Variants in DOK6 observed in about 807,000 individuals in gnomAD.
DOK6 encodes downstream of tyrosine kinase 6.
Under a neutral mutation model 44.0 loss-of-function variants are expected in DOK6, and 22 were observed. The ratio of observed to expected loss-of-function variants is 0.50; its 90% CI spans 0.36 to 0.71. The LOEUF is 0.71. DOK6 is among the 30% of genes least tolerant of loss of function. DOK6 has a pLI of 0.00. For synonymous variants in DOK6, 166 were observed against 145.5 expected (o/e 1.14, Z -1.01); for missense variants, 340 against 416.4 (o/e 0.82, Z 1.60).
chr18:69,446,783 T>A (rs1439409918), intron 1 of DOK6, among the ~76,000 whole-genome samples: 1 of 152,232 alleles, frequency 6.6e-6, no homozygotes, highest in Admixed American at 6.5e-5. Flanking sequence ...ATTGTGGTTT[T>A]GATTTGCATT....
At position 69,420,645 on chromosome 18, in the gene DOK6, C is replaced by T. The variant is rs117708094; in HGVS notation, c.66+19335C>T. Among the ~76,000 whole-genome samples, 11 of 152,162 alleles carry T rather than the reference C, an allele frequency of 7.2e-5. No homozygotes were observed. In the East Asian group the frequency reaches 1.9e-3, roughly 27 times the overall value. The stretch of plus-strand genomic sequence containing the variant: ...TCCTAATGCTATCCCTCATTTTATA[C>T]AGGAAGCCCATGAAGTTAAGGAAGC... On this transcript the variant is annotated intron_variant, in intron 1 of 7. Coordinates refer to ENST00000382713, the MANE Select transcript of DOK6 (RefSeq NM_152721.6).
chr18:69,677,137 C>A (rs906252883), intron 3 of DOK6, among the ~76,000 whole-genome samples: 1 of 152,072 alleles, frequency 6.6e-6, no homozygotes, highest in African/African-American at 2.4e-5. Context: ...TGATCCATTA[C>A]AATTCAGAAT....
chr18:69,696,627 A>T lies in DOK6; in HGVS notation c.410-1777A>T, dbSNP rs12957803. ...ATTAATTCCAAATATAGGAGCTGAAATTTATCAAAAGCTTCTTGGCCAAAG... is the reference window on the plus strand; with the variant it reads ...ATTAATTCCAAATATAGGAGCTGAATTTTATCAAAAGCTTCTTGGCCAAAG... On this transcript the variant is annotated intron_variant, in intron 4 of 7. Coordinates refer to ENST00000382713, the MANE Select transcript of DOK6 (RefSeq NM_152721.6). Among the ~76,000 whole-genome samples the T allele has an allele frequency of 1.7e-3, 258 of 152,104 alleles. 3 individuals are homozygous for T. The highest frequency in any genetic ancestry group is 6.0e-3 in the African/African-American group (247 of 41,458).
intron 1 of DOK6, among the ~76,000 whole-genome samples, chr18:69,516,739 G>A (rs1981534897): frequency 6.6e-6 from 1 of 151,390 alleles, no homozygotes; most frequent in Non-Finnish European, 1.5e-5. Flanking sequence ...GCAGTGGCAC[G>A]ATCTTGGCTC....
intron 3 of DOK6, among the ~76,000 whole-genome samples, chr18:69,631,790 A>T (rs551616618): frequency 3.9e-5 from 6 of 152,320 alleles, no homozygotes; most frequent in Admixed American, 3.9e-4. Flanking sequence ...GTGTACATCC[A>T]TTAGACAAAG....
At chr18:69,412,809 C>A (rs1231769617) in intron 1 of DOK6, among the ~76,000 whole-genome samples, 2 of 152,026 alleles carry the variant, frequency 1.3e-5, no homozygotes, top group Admixed American at 1.3e-4. Context: ...AGATGAAATG[C>A]CCAAAATGCT....
At chr18:69,768,958 T>C (rs551513456) in intron 7 of DOK6, among the ~76,000 whole-genome samples, 3 of 149,596 alleles carry the variant, frequency 2.0e-5, no homozygotes, top group African/African-American at 7.5e-5. Flanking sequence ...GGTGTGCGTG[T>C]GTGTGTGTGT....
intron 1 of DOK6, among the ~76,000 whole-genome samples, chr18:69,526,654 C>G (rs892122297): frequency 3.3e-5 from 5 of 152,020 alleles, no homozygotes; most frequent in African/African-American, 1.2e-4. Context: ...CATTTCTTTT[C>G]TTAGTGATTT....
intron 1 of DOK6, among the ~76,000 whole-genome samples, chr18:69,419,844 G>A (rs2122404533): frequency 6.6e-6 from 1 of 152,198 alleles, no homozygotes; most frequent in Admixed American, 6.5e-5. Flanking sequence ...ATTCAGAACT[G>A]CACCATTATG....
intron 1 of DOK6, among the ~76,000 whole-genome samples, chr18:69,493,849 C>T (rs1439497584): frequency 1.4e-4 from 22 of 152,066 alleles, no homozygotes; most frequent in Admixed American, 1.4e-3. Flanking sequence ...TGACAAACAA[C>T]ACTGTATATA....
chr18:69,535,330 A>G (rs904312930), intron 1 of DOK6, among the ~76,000 whole-genome samples: 1 of 151,852 alleles, frequency 6.6e-6, no homozygotes, highest in African/African-American at 2.4e-5. Context: ...CATTTTCTGT[A>G]TCTTTGTTGC....
chr18:69,469,746 GC>G, intron 1 of DOK6: 1 of 262,196 alleles, frequency 3.8e-6, no homozygotes, highest in Non-Finnish European at 7.9e-6. Flanking sequence ...GACACGAGAG[GC>G]CAGGACGCCA....
chr18:69,456,832 T>A (rs1979646292), intron 1 of DOK6, among the ~76,000 whole-genome samples: 1 of 152,200 alleles, frequency 6.6e-6, no homozygotes, highest in African/African-American at 2.4e-5. Context: ...GACTTCTTAA[T>A]AATAGCCATT....
intron 1 of DOK6, among the ~76,000 whole-genome samples, chr18:69,558,202 C>G (rs895838530): frequency 2.0e-5 from 3 of 152,060 alleles, no homozygotes; most frequent in African/African-American, 7.2e-5. Flanking sequence ...GTTATAGGGC[C>G]TAAAGCAGAT....
chr18:69,630,329 A>G, intron 3 of DOK6, among the ~76,000 whole-genome samples: 1 of 152,070 alleles, frequency 6.6e-6, no homozygotes, highest in East Asian at 1.9e-4. Flanking sequence ...TGTTCCTTTT[A>G]TTATACTATG....
chr18:69,822,541 A>T (rs4891375), intron 7 of DOK6, among the ~76,000 whole-genome samples: 136,050 of 152,252 alleles, frequency 0.89, 62,213 homozygotes, highest in Non-Finnish European at 0.99. Context: ...CAGTGTTTTA[A>T]AATAGGCAAT....
intron 3 of DOK6, among the ~76,000 whole-genome samples, chr18:69,638,206 A>G (rs1336746575): frequency 6.6e-6 from 1 of 152,268 alleles, no homozygotes; most frequent in Non-Finnish European, 1.5e-5. Flanking sequence ...GATAGACAAT[A>G]TGTAACAAAT....
At chr18:69,840,554 G>GTGCATGGTGCAGCTGCAT (rs1322678832) in intron 7 of DOK6, among the ~76,000 whole-genome samples, 1 of 152,202 alleles carries the variant, frequency 6.6e-6, no homozygotes, top group Non-Finnish European at 1.5e-5. Flanking sequence ...TCTCATGCAG[G>GTGCATGGTGCAGCTGCAT]GGTGCAGCTG....
At chr18:69,762,183 A>G (rs2144758827) in intron 7 of DOK6, among the ~76,000 whole-genome samples, 1 of 151,844 alleles carries the variant, frequency 6.6e-6, no homozygotes, top group Middle Eastern at 3.4e-3. Flanking sequence ...ACATACATAC[A>G]TACATACATA....
Sources: allele counts gnomAD v4.1 joint callset (sites outside exome capture counted in the v4.1 genomes callset), GRCh38; gene constraint gnomAD v4.1.1; transcripts MANE v1.5; gene names NCBI Gene and HGNC (gene_info 2026-07-23, HGNC 2026-07-21).